JAM3: variants seen among roughly 807,000 people sequenced by gnomAD.
JAM3 encodes junctional adhesion molecule 3, also known as junctional adhesion molecule C.
JAM3 carries 31 observed loss-of-function variants against 39.4 expected under a neutral mutation model. The observed-to-expected ratio is 0.79, with a 90% confidence interval of 0.59 to 1.06. JAM3 has a LOEUF of 1.06. Ranked by LOEUF, JAM3 falls within the 50% of genes least tolerant of loss-of-function variation. JAM3 has a pLI of 0.00. For synonymous variants in JAM3, 182 were observed against 148.7 expected, an observed-to-expected ratio of 1.22 and a Z score of -1.63; for missense variants, 455 against 391.4, an observed-to-expected ratio of 1.16 and a Z score of -1.37.
intron 1 of JAM3, among the ~76,000 whole-genome samples, chr11:134,116,438 T>C (rs1401904497): frequency 6.6e-6 from 1 of 152,240 alleles, no homozygotes; most frequent in Admixed American, 6.5e-5. Flanking sequence ...TTAGTGTGGA[T>C]TTATGGGTAT....
At chr11:134,104,301 G>C (rs1411233760) in intron 1 of JAM3, among the ~76,000 whole-genome samples, 4 of 152,138 alleles carry the variant, frequency 2.6e-5, no homozygotes, top group Non-Finnish European at 5.9e-5. Context: ...GATGTTATTT[G>C]AAACCAATGA....
At chr11:134,123,446 A>T (rs1201721690) in intron 1 of JAM3, among the ~76,000 whole-genome samples, 1 of 152,114 alleles carries the variant, frequency 6.6e-6, no homozygotes, top group Non-Finnish European at 1.5e-5. Flanking sequence ...CATAATGAAG[A>T]GTGTGCTCCC....
intron 1 of JAM3, among the ~76,000 whole-genome samples, chr11:134,097,257 GA>G (rs1942000702): frequency 6.6e-6 from 1 of 152,192 alleles, no homozygotes; most frequent in African/African-American, 2.4e-5. Flanking sequence ...CAATTTCTAA[GA>G]GGGAATTTCT....
intron 6 of JAM3, among the ~76,000 whole-genome samples, chr11:134,147,484 G>C (rs1176851688): frequency 7.1e-6 from 1 of 139,938 alleles, no homozygotes; most frequent in Non-Finnish European, 1.5e-5. Context: ...AAAAACGATT[G>C]CAAGTTTACT....
At chr11:134,113,495 A>G (rs556714367) in intron 1 of JAM3, among the ~76,000 whole-genome samples, 2 of 152,144 alleles carry the variant, frequency 1.3e-5, no homozygotes, top group African/African-American at 2.4e-5. Context: ...TTCCAGCTTC[A>G]TCCATATCCC....
chr11:134,134,203 A>T (rs1353072953), intron 1 of JAM3, among the ~76,000 whole-genome samples: 1 of 152,102 alleles, frequency 6.6e-6, no homozygotes, highest in Non-Finnish European at 1.5e-5. Context: ...GAGAAAGATG[A>T]CCTAAAAAAT....
intron 1 of JAM3, among the ~76,000 whole-genome samples, chr11:134,119,441 A>T (rs1002129859): frequency 6.6e-6 from 1 of 152,204 alleles, no homozygotes; most frequent in Non-Finnish European, 1.5e-5. Flanking sequence ...TTCTTTTAAG[A>T]AGTGCCATTG....
At chr11:134,121,270 C>G (rs1232235985) in intron 1 of JAM3, among the ~76,000 whole-genome samples, 1 of 152,310 alleles carries the variant, frequency 6.6e-6, no homozygotes, top group Non-Finnish European at 1.5e-5. Context: ...CGGAAGGTCT[C>G]TCAAAACTGA....
chr11:134,114,503 G>A (rs1942382902), intron 1 of JAM3, among the ~76,000 whole-genome samples: 1 of 152,130 alleles, frequency 6.6e-6, no homozygotes, highest in Non-Finnish European at 1.5e-5. Flanking sequence ...TAGATGTGTG[G>A]TATTATTTCT....
At chr11:134,145,231 T>C (rs1175013770) in intron 5 of JAM3, 1 of 578,700 alleles carries the variant, frequency 1.7e-6, no homozygotes, top group Admixed American at 3.0e-5. Flanking sequence ...AAGAGGGATA[T>C]TAAGCAAATG....
chr11:134,121,809 G>T (rs558521123), intron 1 of JAM3, among the ~76,000 whole-genome samples: 1 of 143,388 alleles, frequency 7.0e-6, no homozygotes, highest in Non-Finnish European at 1.5e-5. Flanking sequence ...TGGACACTGC[G>T]TGCATGTGTG....
intron 1 of JAM3, among the ~76,000 whole-genome samples, chr11:134,126,067 G>A (rs1005802484): frequency 1.3e-5 from 2 of 152,032 alleles, no homozygotes; most frequent in Non-Finnish European, 2.9e-5. Context: ...GTGAAAATTC[G>A]TGTTCTGTAT....
rs115358888 is a variant in JAM3 at position 134,124,921 on chromosome 11, A to T, written c.77-14930A>T. On this transcript the variant is annotated intron_variant, in intron 1 of 8. Coordinates refer to ENST00000299106, the MANE Select transcript of JAM3 (RefSeq NM_032801.5). ...AAACGCTGGCGAGCGGGGACCGGGC[A>T]TTGAAGTCCGGCGGTGGCAGGAGCG... Among the ~76,000 whole-genome samples the T allele has an allele frequency of 9.1e-3, 1,391 of 152,332 alleles. 20 individuals are homozygous for T. Among genetic ancestry groups the T allele is most frequent in the African/African-American group, 0.03 (1,265 of 41,582 alleles).
At chr11:134,096,136 C>A (rs1425148257) in intron 1 of JAM3, among the ~76,000 whole-genome samples, 1 of 152,140 alleles carries the variant, frequency 6.6e-6, no homozygotes, top group Non-Finnish European at 1.5e-5. Context: ...GCCACTACAC[C>A]TGCCTGAGTT....
chr11:134,124,208 C>T, intron 1 of JAM3: 11 of 1,407,130 alleles, frequency 7.8e-6, no homozygotes, highest in Non-Finnish European at 1.1e-5. Flanking sequence ...GAACCAAAGT[C>T]ATCACTCCAT....
At chr11:134,105,060 T>C (rs1384541422) in intron 1 of JAM3, among the ~76,000 whole-genome samples, 1 of 152,084 alleles carries the variant, frequency 6.6e-6, no homozygotes, top group Non-Finnish European at 1.5e-5. Flanking sequence ...AAAAAGAGAA[T>C]TTTAGACCAA....
At chr11:134,140,910 A>G in intron 3 of JAM3, 140 bp downstream of exon 3, 1 of 1,118,736 alleles carries the variant, frequency 8.9e-7, no homozygotes, top group South Asian at 1.5e-5. Flanking sequence ...AAGATTTATA[A>G]TTATGGAAAA....
intron 1 of JAM3, among the ~76,000 whole-genome samples, chr11:134,111,744 G>C (rs1038184384): frequency 6.6e-6 from 1 of 152,132 alleles, no homozygotes; most frequent in African/African-American, 2.4e-5. Context: ...AAAAAAGTTT[G>C]CTTTCATTCC....
At chr11:134,122,596 A>G (rs1388359603) in intron 1 of JAM3, among the ~76,000 whole-genome samples, 1 of 152,140 alleles carries the variant, frequency 6.6e-6, no homozygotes, top group Non-Finnish European at 1.5e-5. Flanking sequence ...GTGGACACAT[A>G]CTCACTAGGC....
Sources: gnomAD v4.1 joint callset for allele counts (sites outside exome capture counted in the v4.1 genomes callset) on GRCh38, gnomAD v4.1.1 for gene constraint, MANE v1.5 for transcripts, NCBI Gene and HGNC (gene_info 2026-07-23, HGNC 2026-07-21) for gene names.